GPD1L: variants seen among roughly 807,000 people sequenced by gnomAD.
The protein encoded by GPD1L is glycerol-3-phosphate dehydrogenase 1-like protein.
A neutral mutation model predicts 32.9 loss-of-function variants in GPD1L; 17 were observed. The ratio of observed to expected loss-of-function variants is 0.52; its 90% CI spans 0.35 to 0.78. GPD1L has a LOEUF of 0.78. Among genes scored for constraint, GPD1L ranks in the 30% least tolerant of loss-of-function variants. GPD1L has a pLI of 0.01. For synonymous variants in GPD1L, 187 were observed against 165.9 expected, an observed-to-expected ratio of 1.13 and a Z score of -0.98; for missense variants, 361 against 447.8, an observed-to-expected ratio of 0.81 and a Z score of 1.75.
At chr3:32,128,676 C>T (rs566769763) in intron 2 of GPD1L, among the ~76,000 whole-genome samples, 6 of 152,312 alleles carry the variant, frequency 3.9e-5, no homozygotes, top group African/African-American at 1.4e-4. Context: ...ACCCCAATGA[C>T]TTAAGTTAAT....
chr3:32,110,067 G>A (rs895247349), intron 1 of GPD1L, among the ~76,000 whole-genome samples: 7 of 152,310 alleles, frequency 4.6e-5, no homozygotes, highest in Admixed American at 2.6e-4. Context: ...ACAGGCACCC[G>A]CCACCACGCC....
chr3:32,143,359 G>A (rs921808971), intron 4 of GPD1L, among the ~76,000 whole-genome samples: 6 of 152,060 alleles, frequency 3.9e-5, no homozygotes, highest in East Asian at 1.9e-4. Context: ...CTGATGTACC[G>A]GGATTACAGG....
At chr3:32,136,995 G>T (rs1700672494) in intron 2 of GPD1L, among the ~76,000 whole-genome samples, 1 of 152,190 alleles carries the variant, frequency 6.6e-6, no homozygotes, top group African/African-American at 2.4e-5. Context: ...GGGAAACACA[G>T]TCCCTGGCTA....
intron 7 of GPD1L, 47 bp from the exon 8 acceptor site, chr3:32,165,767 T>C (rs779527336): frequency 1.0e-6 from 1 of 972,496 alleles, no homozygotes; most frequent in Non-Finnish European, 1.7e-6. Context: ...TTCTCTGAGG[T>C]AAATCCAGTG....
chr3:32,108,781 T>A (rs371964735), intron 1 of GPD1L, among the ~76,000 whole-genome samples: 49 of 152,356 alleles, frequency 3.2e-4, no homozygotes, highest in African/African-American at 1.2e-3. Flanking sequence ...ACACAATATT[T>A]AATAGAGTTG....
chr3:32,123,308 ATTCTTGCCAGATATTAC>A (rs1700452368), intron 1 of GPD1L, among the ~76,000 whole-genome samples: 1 of 152,202 alleles, frequency 6.6e-6, no homozygotes, highest in Admixed American at 6.5e-5. Context: ...GTGTTATAAA[ATTCTTGCCAGATATTAC>A]TACCTGCCAA....
At chr3:32,122,694 A>G (rs1700439564) in intron 1 of GPD1L, among the ~76,000 whole-genome samples, 1 of 151,982 alleles carries the variant, frequency 6.6e-6, no homozygotes, top group Non-Finnish European at 1.5e-5. Flanking sequence ...AGGCTCCCCA[A>G]CCTCCTCCCC....
rs767397753 is a variant in GPD1L, at chr3:32,168,046, G to A, written c.*2136G>A. On this transcript the variant is annotated 3_prime_UTR_variant, in exon 8 of 8. Transcript: ENST00000282541. ...TAAGTAGCATAATGAGATGTGAGGA[G>A]TTGGAACTTTGCGTGTTTTGCGTAT... 4 of 152,178 alleles carry A rather than the reference G, an allele frequency of 2.6e-5. No individual in the cohort carries two copies. The highest frequency in any genetic ancestry group is 4.4e-5 in the Non-Finnish European group (3 of 68,036). 9.4% of individuals were successfully genotyped at this position (152,178 alleles called of 1,614,324 possible).
chr3:32,121,772 T>G (rs921351817), intron 1 of GPD1L, among the ~76,000 whole-genome samples: 1 of 140,000 alleles, frequency 7.1e-6, no homozygotes, highest in Non-Finnish European at 1.5e-5. Context: ...TATTTCTATA[T>G]ATATATATAT....
intron 1 of GPD1L, among the ~76,000 whole-genome samples, chr3:32,123,044 A>G (rs948936715): frequency 2.0e-5 from 3 of 151,970 alleles, no homozygotes; most frequent in African/African-American, 4.8e-5. Context: ...CGCTAGGACT[A>G]CAGGTGCAGC....
rs1188115853 is a variant in GPD1L at position 32,166,113 on chromosome 3, CAT to C, written c.*204_*205del. 1.6e-6 allele frequency: 1 copy of C among 612,234 alleles called. No individual in the cohort carries two copies. The highest frequency in any genetic ancestry group is 1.8e-5 in the African/African-American group (1 of 54,572). 37.9% of individuals were successfully genotyped at this position (612,234 alleles called of 1,614,324 possible). ...GGCAGTAACTAAACACACATGCAAA[CAT>C]GTGAATGGTGGTTTATTCCTCATTC... On this transcript the variant is annotated 3_prime_UTR_variant, in exon 8 of 8. Coordinates refer to ENST00000282541, the MANE Select transcript of GPD1L (RefSeq NM_015141.4).
chr3:32,154,568 G>T (rs1374100336), intron 5 of GPD1L, among the ~76,000 whole-genome samples: 1 of 152,112 alleles, frequency 6.6e-6, no homozygotes, highest in Non-Finnish European at 1.5e-5. Context: ...GCACGGTGTG[G>T]CGTGATCTTC....
At chr3:32,147,114 T>C (rs1700841769) in intron 5 of GPD1L, among the ~76,000 whole-genome samples, 1 of 152,232 alleles carries the variant, frequency 6.6e-6, no homozygotes, top group Non-Finnish European at 1.5e-5. Context: ...TTCCTCTGAA[T>C]TATGCTACTC....
chr3:32,155,249 C>T (rs1700971469), intron 5 of GPD1L, among the ~76,000 whole-genome samples: 1 of 152,142 alleles, frequency 6.6e-6, no homozygotes, highest in Admixed American at 6.5e-5. Flanking sequence ...GAGGTGTTCT[C>T]AGTGGGCCAC....
At chr3:32,159,141 C>T (rs980201908) in intron 6 of GPD1L, 32 bp downstream of exon 6, 4 of 1,523,652 alleles carry the variant, frequency 2.6e-6, no homozygotes, top group Non-Finnish European at 3.6e-6. Context: ...CGCACCCCCT[C>T]CTTCCTCACT....
chr3:32,147,064 T>C (rs1700841104), intron 5 of GPD1L, among the ~76,000 whole-genome samples: 1 of 152,256 alleles, frequency 6.6e-6, no homozygotes, highest in African/African-American at 2.4e-5. Flanking sequence ...CATTCATGTT[T>C]TTCTCCCACA....
chr3:32,106,681 C>A lies in GPD1L; in HGVS notation c.-31C>A. On this transcript the variant is annotated 5_prime_UTR_variant, in exon 1 of 8. Transcript: ENST00000282541. This position sits in a 1 kb window ranked among gnomAD's most constrained non-coding sequence, Gnocchi z 4.0. ...GGAGGTGGGCAGCCGGCCAGGGAAG[C>A]ACGGTCCAGGCGGCTACATTCGGCC... 6.6e-7 allele frequency: 1 copy of A among 1,517,322 alleles called. No homozygotes were observed. 94.0% of individuals were successfully genotyped at this position (1,517,322 alleles called of 1,614,324 possible).
chr3:32,135,928 C>G (rs988033889), intron 2 of GPD1L, among the ~76,000 whole-genome samples: 7 of 152,126 alleles, frequency 4.6e-5, no homozygotes, highest in Admixed American at 6.5e-5. Context: ...GGAAAATAGG[C>G]AAATAGGCCT....
intron 1 of GPD1L, among the ~76,000 whole-genome samples, chr3:32,121,615 CTA>C (rs1243019541): frequency 2.7e-5 from 2 of 74,210 alleles, no homozygotes; most frequent in African/African-American, 6.9e-5. Context: ...ATATATATTT[CTA>C]TATATATTAT....
Sources: allele counts gnomAD v4.1 joint callset (sites outside exome capture counted in the v4.1 genomes callset), GRCh38; gene constraint gnomAD v4.1.1; non-coding constraint Gnocchi (gnomAD v3.1); transcripts MANE v1.5; gene names NCBI Gene and HGNC (gene_info 2026-07-23, HGNC 2026-07-21).